The following DMD variants were observed in gnomAD, a reference collection of about 807,000 sequenced individuals.
DMD encodes the protein dystrophin, also known as mutant dystrophin.
In DMD, 63 loss-of-function variants were observed where a neutral mutation model predicts 330.1. The observed-to-expected ratio is 0.19, with a 90% CI of 0.16 to 0.24. The LOEUF is 0.24. Ranked by LOEUF, DMD falls within the 10% of genes least tolerant of loss-of-function variation. The pLI is 1.00. For synonymous variants in DMD, 1,223 were observed against 959.8 expected (o/e 1.27, Z -5.07); for missense variants, 3,344 against 2,684.1 (o/e 1.25, Z -5.43).
At chrX:32,167,142 G>C (rs1195233870) in intron 44 of DMD, among the ~76,000 whole-genome samples, 3 of 111,667 alleles carry the variant, frequency 2.7e-5, no homozygotes, top group Non-Finnish European at 5.6e-5. Flanking sequence ...CACCAAACCT[G>C]TACCTAACAG....
At chrX:31,530,371 G>A (rs2073641434) in intron 55 of DMD, among the ~76,000 whole-genome samples, 1 of 111,970 alleles carries the variant, frequency 8.9e-6, no homozygotes, top group South Asian at 3.7e-4. Flanking sequence ...GCAGAGAGAA[G>A]ACACTGGAAG....
At chrX:32,817,174 T>C (rs935904919) in intron 5 of DMD, among the ~76,000 whole-genome samples, 8 of 111,676 alleles carry the variant, frequency 7.2e-5, no homozygotes, top group African/African-American at 2.6e-4. Context: ...GTACAAAATA[T>C]GGTCAGATAA....
At chrX:31,949,641 T>C (rs1283187413) in intron 45 of DMD, among the ~76,000 whole-genome samples, 1 of 111,318 alleles carries the variant, frequency 9.0e-6, no homozygotes, top group Non-Finnish European at 1.9e-5. Flanking sequence ...ATCTTTCTCC[T>C]GGACCTGGGT....
rs1353255432 is a variant in DMD, at chrX:33,304,625, A to G, written c.7+34634T>C. On this transcript the variant is annotated intron_variant, in intron 1 of 17. Transcript: ENST00000288447. ...AAAAGAAACTACCATCAGAGTGAAC[A>G]GGCAACCTACAAAATGGGAGAAAAT... Among the ~76,000 whole-genome samples the G allele has an allele frequency of 9.2e-3, 994 of 107,765 alleles. 17 individuals carry two copies. The highest frequency in any genetic ancestry group is 0.032 in the African/African-American group (947 of 29,550). The allele number at this position is 107,765 out of a possible 115,157, so 93.6% of individuals were successfully genotyped here. A position where few individuals can be genotyped will look rare whatever the true frequency, so the allele number is the denominator to read the frequency against.
chrX:32,408,909 T>TATCTATCC (rs1557338540), intron 30 of DMD, among the ~76,000 whole-genome samples: 23 of 100,385 alleles, frequency 2.3e-4, no homozygotes, highest in African/African-American at 8.8e-4. Flanking sequence ...TCTATCTATC[T>TATCTATCC]ATCCATCCAT....
intron 55 of DMD, among the ~76,000 whole-genome samples, chrX:31,576,444 T>C (rs1280498441): frequency 2.7e-5 from 3 of 110,700 alleles, no homozygotes; most frequent in Non-Finnish European, 5.7e-5. Flanking sequence ...CTTTTTTTTT[T>C]TTTTAAAGAC....
chrX:32,229,423 G>A (rs1385967920), intron 43 of DMD, among the ~76,000 whole-genome samples: 3 of 107,087 alleles, frequency 2.8e-5, no homozygotes, highest in Admixed American at 2.0e-4. Flanking sequence ...TCATCTTTTG[G>A]TTTATTTTTG....
chrX:32,906,830 G>C (rs1030566249), intron 2 of DMD, among the ~76,000 whole-genome samples: 6 of 111,486 alleles, frequency 5.4e-5, no homozygotes, highest in Non-Finnish European at 9.4e-5. Context: ...TCAAAGTTGA[G>C]AGGGACTGTA....
chrX:32,473,221 T>G (rs1296509194), intron 21 of DMD, among the ~76,000 whole-genome samples: 2 of 110,516 alleles, frequency 1.8e-5, no homozygotes, highest in African/African-American at 6.6e-5. Context: ...ATACAGTAAG[T>G]GAAAAATAAG....
intron 59 of DMD, among the ~76,000 whole-genome samples, chrX:31,472,401 A>G (rs1034248823): frequency 8.9e-6 from 1 of 112,560 alleles, no homozygotes; most frequent in African/African-American, 3.2e-5. Flanking sequence ...AATTAATACA[A>G]TAAGAAGAAA....
At chrX:32,475,413 G>A (rs1247384872) in intron 21 of DMD, among the ~76,000 whole-genome samples, 1 of 110,606 alleles carries the variant, frequency 9.0e-6, no homozygotes, top group Non-Finnish European at 1.9e-5. Flanking sequence ...ATTTTGATGG[G>A]GATTGCACTG....
chrX:31,738,249 A>T (rs1290153149), intron 51 of DMD, among the ~76,000 whole-genome samples: 1 of 112,322 alleles, frequency 8.9e-6, no homozygotes, highest in Non-Finnish European at 1.9e-5. Flanking sequence ...TGGTACAAGA[A>T]ACAAGTAATT....
At chrX:33,157,554 C>T (rs1029177159) in intron 1 of DMD, among the ~76,000 whole-genome samples, 1 of 112,496 alleles carries the variant, frequency 8.9e-6, no homozygotes, top group Non-Finnish European at 1.9e-5. Flanking sequence ...CCTCAATGAA[C>T]TGACTGCTGT....
chrX:32,583,264 G>C (rs1028658555), intron 13 of DMD, among the ~76,000 whole-genome samples: 5 of 111,641 alleles, frequency 4.5e-5, no homozygotes, highest in South Asian at 7.5e-4. Context: ...GGCAGGCCGA[G>C]GCTGGCAGAT....
chrX:31,525,582 A>G (rs2073182741), intron 55 of DMD, among the ~76,000 whole-genome samples: 1 of 112,175 alleles, frequency 8.9e-6, no homozygotes, highest in African/African-American at 3.2e-5. Flanking sequence ...TTCTCATCAA[A>G]TAGTTACTGT....
intron 12 of DMD, among the ~76,000 whole-genome samples, chrX:32,607,884 C>A (rs1253270651): frequency 1.8e-5 from 2 of 110,277 alleles, no homozygotes; most frequent in Non-Finnish European, 3.8e-5. Context: ...AGACATTTTA[C>A]ATGAGACTAA....
At chrX:32,078,601 C>T (rs2096369967) in intron 44 of DMD, among the ~76,000 whole-genome samples, 1 of 112,320 alleles carries the variant, frequency 8.9e-6, no homozygotes, top group Admixed American at 9.4e-5. Context: ...GTTGTTGTTG[C>T]CCCATGAATA....
chrX:31,619,578 C>T (rs956419091), intron 55 of DMD, among the ~76,000 whole-genome samples: 15 of 111,514 alleles, frequency 1.3e-4, no homozygotes, highest in African/African-American at 4.9e-4. Context: ...AAAAGCTCTG[C>T]GAGGAATAAA....
chrX:31,508,083 C>A (rs3788893), intron 55 of DMD: 1 of 478,996 alleles, frequency 2.1e-6, no homozygotes, highest in East Asian at 4.1e-5. Context: ...ATTTAATACA[C>A]ATTTTTAGGC....
Sources: gnomAD v4.1 joint callset for allele counts (sites outside exome capture counted in the v4.1 genomes callset) on GRCh38, gnomAD v4.1.1 for gene constraint, MANE v1.5 for transcripts, NCBI Gene and HGNC (gene_info 2026-07-23, HGNC 2026-07-21) for gene names.